THSD4: variants seen among roughly 807,000 people sequenced by gnomAD.
The protein encoded by THSD4 is thrombospondin type 1 domain containing 4, also known as thrombospondin type-1 domain-containing protein 4.
Under a neutral mutation model 119.0 loss-of-function variants are expected in THSD4, and 69 were observed. The ratio of observed to expected loss-of-function variants is 0.58; its 90% CI spans 0.48 to 0.71. The LOEUF (loss-of-function observed/expected upper bound fraction) is 0.71. THSD4 is among the 30% of genes least tolerant of loss of function. The probability of loss-of-function intolerance (pLI) is 0.00; values close to 1 mark genes in which losing one functional copy is unlikely to be tolerated. For synonymous variants in THSD4, 524 were observed against 540.4 expected, an observed-to-expected ratio of 0.97 and a Z score of 0.42; for missense variants, 1,393 against 1,391.1, an observed-to-expected ratio of 1.00 and a Z score of -0.02.
At chr15:71,185,770 A>G (rs1216350773) in intron 3 of THSD4, 3 of 152,172 alleles carry the variant, frequency 2.0e-5, no homozygotes, top group African/African-American at 7.2e-5. Context: ...CAGGAGGTTT[A>G]TTGAACACCT....
At chr15:71,303,873 A>T (rs575164661) in intron 6 of THSD4, among the ~76,000 whole-genome samples, 2 of 152,098 alleles carry the variant, frequency 1.3e-5, no homozygotes, top group Non-Finnish European at 1.5e-5. Flanking sequence ...AGTTCCTCAC[A>T]CTAGGAACCT....
At chr15:71,363,610 T>C (rs2140423588) in intron 6 of THSD4, among the ~76,000 whole-genome samples, 1 of 152,266 alleles carries the variant, frequency 6.6e-6, no homozygotes, top group East Asian at 1.9e-4. Flanking sequence ...AAAGACAAAA[T>C]GAACATGCGT....
At chr15:71,260,168 T>A (rs2044373950) in intron 6 of THSD4, among the ~76,000 whole-genome samples, 1 of 152,240 alleles carries the variant, frequency 6.6e-6, no homozygotes, top group Admixed American at 6.5e-5. Context: ...TGTTTTCATG[T>A]ATTACATGTG....
At chr15:71,121,209 C>T (rs1359364052) in intron 1 of THSD4, among the ~76,000 whole-genome samples, 1 of 152,180 alleles carries the variant, frequency 6.6e-6, no homozygotes. Flanking sequence ...GAGGAGAGCA[C>T]TCTGGAGCCA....
intron 4 of THSD4, among the ~76,000 whole-genome samples, chr15:71,226,478 A>G (rs997960698): frequency 1.3e-4 from 20 of 152,174 alleles, no homozygotes; most frequent in Non-Finnish European, 2.6e-4. Context: ...AGTTTTACCC[A>G]CACATTCCCA....
chr15:71,612,132 A>G (rs960292511), intron 7 of THSD4, among the ~76,000 whole-genome samples: 22 of 152,174 alleles, frequency 1.4e-4, no homozygotes, highest in African/African-American at 5.3e-4. Flanking sequence ...GACTTGGGAA[A>G]CACTAGCTGT....
At chr15:71,607,740 A>C (rs1480677069) in intron 7 of THSD4, among the ~76,000 whole-genome samples, 1 of 152,164 alleles carries the variant, frequency 6.6e-6, no homozygotes, top group Non-Finnish European at 1.5e-5. Context: ...GTGGAAGGGC[A>C]TGAGAGGTCC....
At chr15:71,561,044 G>T (rs145830109) in intron 7 of THSD4, among the ~76,000 whole-genome samples, 1 of 148,660 alleles carries the variant, frequency 6.7e-6, no homozygotes, top group Non-Finnish European at 1.5e-5. Context: ...GCACAATCTC[G>T]GCTCACTGCA....
intron 6 of THSD4, among the ~76,000 whole-genome samples, chr15:71,371,097 C>T (rs890081447): frequency 1.3e-5 from 2 of 152,250 alleles, no homozygotes; most frequent in African/African-American, 4.8e-5. Flanking sequence ...ACTAGGATTG[C>T]AACCCCTGCC....
intron 7 of THSD4, among the ~76,000 whole-genome samples, chr15:71,541,110 A>G (rs2048754174): frequency 6.6e-6 from 1 of 152,234 alleles, no homozygotes; most frequent in African/African-American, 2.4e-5. Flanking sequence ...GCTGTCCACC[A>G]GTGTGGCTAT....
At chr15:71,159,490 G>C (rs2043229902) in intron 3 of THSD4, among the ~76,000 whole-genome samples, 2 of 151,908 alleles carry the variant, frequency 1.3e-5, no homozygotes, top group Non-Finnish European at 2.9e-5. Context: ...TCATTGTAGA[G>C]CTCTTTCACC....
chr15:71,566,786 C>T (rs1299114311), intron 7 of THSD4, among the ~76,000 whole-genome samples: 7 of 150,370 alleles, frequency 4.7e-5, no homozygotes, highest in African/African-American at 1.7e-4. Flanking sequence ...ACTTGGTCAT[C>T]ACCTTGAGAG....
intron 16 of THSD4, among the ~76,000 whole-genome samples, chr15:71,770,128 A>G (rs28436852): frequency 3.2e-5 from 4 of 125,838 alleles, no homozygotes; most frequent in Non-Finnish European, 3.3e-5. Context: ...CATGCCTGTA[A>G]TCCCAGCTAC....
chr15:71,209,892 T>G (rs898429420), intron 3 of THSD4, among the ~76,000 whole-genome samples: 1 of 152,212 alleles, frequency 6.6e-6, no homozygotes, highest in Non-Finnish European at 1.5e-5. Flanking sequence ...AGTTTCCCTG[T>G]ACAATTTTCT....
At chr15:71,630,168 A>G (rs1377724690) in intron 7 of THSD4, among the ~76,000 whole-genome samples, 1 of 152,232 alleles carries the variant, frequency 6.6e-6, no homozygotes, top group Non-Finnish European at 1.5e-5. Flanking sequence ...CAGACAAAAA[A>G]CAGAAAATTC....
intron 6 of THSD4, among the ~76,000 whole-genome samples, chr15:71,365,214 C>A (rs981892062): frequency 1.8e-4 from 27 of 146,360 alleles, no homozygotes; most frequent in Non-Finnish European, 2.6e-4. Context: ...AGCCAATGAC[C>A]CATGTGATTG....
Position 71,243,020 on chromosome 15 carries a change from G to C in THSD4, c.836G>C (p.Ser279Thr). 1 of 1,614,228 alleles carries C rather than the reference G, an allele frequency of 6.2e-7. No individual in the cohort carries two copies. ...HGVGTHGATQ[S>T]FSQPARSTAI... The stretch of plus-strand genomic sequence containing the variant: ...GTGGGGACCCATGGGGCAACTCAGA[G>C]CTTCTCTCAGCCTGCCCGATCTACA... The change falls in exon 5 of 18, where the codon AGC (serine) becomes ACC (threonine). Residue 279 changes from serine (S) to threonine (T), a missense_variant. Coordinates refer to ENST00000261862, the MANE Select transcript of THSD4 (RefSeq NM_024817.3).
At chr15:71,298,762 G>A (rs1037590014) in intron 6 of THSD4, among the ~76,000 whole-genome samples, 3 of 151,996 alleles carry the variant, frequency 2.0e-5, no homozygotes, top group South Asian at 2.1e-4. Flanking sequence ...ACAGGCACAC[G>A]CCGCCACACC....
chr15:71,616,241 G>A (rs2050316962), intron 7 of THSD4, among the ~76,000 whole-genome samples: 1 of 152,090 alleles, frequency 6.6e-6, no homozygotes, highest in South Asian at 2.1e-4. Context: ...TCAGAAAATT[G>A]GAACTGACCT....
Sources: allele counts gnomAD v4.1 joint callset (sites outside exome capture counted in the v4.1 genomes callset), GRCh38; gene constraint gnomAD v4.1.1; transcripts MANE v1.5; gene names NCBI Gene and HGNC (gene_info 2026-07-23, HGNC 2026-07-21).